The following RNGTT variants were observed in gnomAD, a reference collection of about 807,000 sequenced individuals.
The protein encoded by RNGTT is RNA guanylyltransferase and 5'-phosphatase.
A neutral mutation model predicts 79.3 loss-of-function variants in RNGTT; 33 were observed. The observed-to-expected ratio is 0.42, with a 90% CI of 0.32 to 0.56. RNGTT has a LOEUF of 0.56. Among genes scored for constraint, RNGTT ranks in the 20% least tolerant of loss-of-function variants. RNGTT has a pLI of 0.17. For missense variants in RNGTT, 497 were observed against 739.1 expected (o/e 0.67, Z 3.80); for synonymous variants, 222 against 235.9 (o/e 0.94, Z 0.54).
chr6:88,843,720 G>T (rs976846431), intron 11 of RNGTT, among the ~76,000 whole-genome samples: 1 of 150,918 alleles, frequency 6.6e-6, no homozygotes, highest in African/African-American at 2.4e-5. Flanking sequence ...CGCCACACCC[G>T]GCTAATTTTT....
At chr6:88,890,670 A>C in intron 7 of RNGTT, 74 bp from the exon 8 acceptor site, 2 of 872,166 alleles carry the variant, frequency 2.3e-6, no homozygotes, top group South Asian at 1.7e-5. Flanking sequence ...ACCAATCTCA[A>C]ATGAATCACA....
chr6:88,942,897 G>A (rs983232954), intron 1 of RNGTT, among the ~76,000 whole-genome samples: 2 of 152,128 alleles, frequency 1.3e-5, no homozygotes, highest in Non-Finnish European at 2.9e-5. Flanking sequence ...TTTGACAAAA[G>A]AACCACTTTT....
intron 13 of RNGTT, among the ~76,000 whole-genome samples, chr6:88,730,146 G>C (rs1451303362): frequency 6.6e-6 from 1 of 152,324 alleles, no homozygotes; most frequent in East Asian, 1.9e-4. Flanking sequence ...TGTTAGATAT[G>C]AGTTCCAAAT....
At chr6:88,653,335 A>C (rs1348809769) in intron 14 of RNGTT, among the ~76,000 whole-genome samples, 2 of 152,222 alleles carry the variant, frequency 1.3e-5, no homozygotes, top group Admixed American at 6.5e-5. Context: ...ATATAGTGGT[A>C]TAATGTTTTA....
intron 14 of RNGTT, 113 bp downstream of exon 14, chr6:88,678,240 C>A (rs141826783): frequency 1.6e-5 from 23 of 1,435,630 alleles, no homozygotes; most frequent in Non-Finnish European, 2.0e-5. Flanking sequence ...GTCTTAGCCT[C>A]CCAAAGTGCT....
chr6:88,755,121 C>T lies in RNGTT; in HGVS notation c.1439+14653G>A, dbSNP rs117416728. 4.0e-3 allele frequency among the ~76,000 whole-genome samples: 602 copies of T among 151,720 alleles called. 7 individuals are homozygous for T. The highest frequency in any genetic ancestry group is 5.9e-3 in the Admixed American group (90 of 15,232). On this transcript the variant is annotated intron_variant, in intron 13 of 15. Coordinates refer to ENST00000369485, the MANE Select transcript of RNGTT (RefSeq NM_003800.5). ...CAATTAGAAGGAGAAAAGAACTGCACCCCAAGAATTCTATATCCAGGTAAG... is the reference window on the plus strand; with the variant it reads ...CAATTAGAAGGAGAAAAGAACTGCATCCCAAGAATTCTATATCCAGGTAAG...
At chr6:88,876,509 T>C (rs1435725787) in intron 8 of RNGTT, among the ~76,000 whole-genome samples, 1 of 152,202 alleles carries the variant, frequency 6.6e-6, no homozygotes, top group East Asian at 1.9e-4. Flanking sequence ...AGTGAGACCC[T>C]GTCTCAAAAA....
intron 4 of RNGTT, among the ~76,000 whole-genome samples, chr6:88,907,343 G>C (rs535267922): frequency 6.6e-6 from 1 of 152,270 alleles, no homozygotes; most frequent in South Asian, 2.1e-4. Context: ...GTTCTCATGA[G>C]ATCTGATGGT....
chr6:88,905,746 T>G (rs1783633097), intron 5 of RNGTT, among the ~76,000 whole-genome samples: 1 of 152,098 alleles, frequency 6.6e-6, no homozygotes, highest in South Asian at 2.1e-4. Context: ...TACAAAATAT[T>G]GGAAGAATCT....
At chr6:88,757,278 C>T (rs1323284646) in intron 13 of RNGTT, among the ~76,000 whole-genome samples, 1 of 151,984 alleles carries the variant, frequency 6.6e-6, no homozygotes, top group Admixed American at 6.6e-5. Context: ...GAAAAGCAAG[C>T]AGGACAGGTA....
chr6:88,656,188 T>A (rs1773970674), intron 14 of RNGTT, among the ~76,000 whole-genome samples: 1 of 152,226 alleles, frequency 6.6e-6, no homozygotes, highest in Non-Finnish European at 1.5e-5. Flanking sequence ...TATAATGAAC[T>A]ATATCGCTTA....
At chr6:88,853,858 C>T in intron 8 of RNGTT, 94 bp from the exon 9 acceptor site, 1 of 656,928 alleles carries the variant, frequency 1.5e-6, no homozygotes, top group Non-Finnish European at 2.6e-6. Flanking sequence ...AGACCTTAAA[C>T]ATCTGTAGAC....
intron 12 of RNGTT, among the ~76,000 whole-genome samples, chr6:88,782,113 T>A (rs1346159622): frequency 6.6e-6 from 1 of 152,040 alleles, no homozygotes; most frequent in Admixed American, 6.5e-5. Context: ...ACAGAATAAT[T>A]AAGGCAGCAA....
intron 11 of RNGTT, among the ~76,000 whole-genome samples, chr6:88,813,545 C>G (rs1030764423): frequency 2.0e-5 from 3 of 152,198 alleles, no homozygotes; most frequent in Non-Finnish European, 4.4e-5. Context: ...GCACATCAGG[C>G]AGCAAGCCCT....
chr6:88,715,023 T>C (rs941732058), intron 13 of RNGTT, among the ~76,000 whole-genome samples: 16 of 152,178 alleles, frequency 1.1e-4, no homozygotes, highest in Admixed American at 2.6e-4. Flanking sequence ...AGAAGTCAAA[T>C]TGTCCCTGTT....
chr6:88,677,797 C>T (rs1774931689), intron 14 of RNGTT, among the ~76,000 whole-genome samples: 1 of 151,888 alleles, frequency 6.6e-6, no homozygotes. Context: ...TTTTTAATGG[C>T]AAAAGGGATG....
At chr6:88,616,679 T>C (rs1772235187) in intron 14 of RNGTT, among the ~76,000 whole-genome samples, 1 of 152,168 alleles carries the variant, frequency 6.6e-6, no homozygotes, top group Non-Finnish European at 1.5e-5. Context: ...ATTGGCTGTA[T>C]ACTTTCTTCA....
chr6:88,678,057 C>T (rs1198686613), intron 14 of RNGTT: 3 of 178,444 alleles, frequency 1.7e-5, no homozygotes, highest in Non-Finnish European at 3.2e-5. Flanking sequence ...GTGATCACGG[C>T]TCACTGCAGC....
At chr6:88,936,523 G>T (rs962694234) in intron 2 of RNGTT, among the ~76,000 whole-genome samples, 1 of 152,092 alleles carries the variant, frequency 6.6e-6, no homozygotes, top group African/African-American at 2.4e-5. Flanking sequence ...GTCATATATG[G>T]TCTTTATTAT....
Sources: allele counts gnomAD v4.1 joint callset (sites outside exome capture counted in the v4.1 genomes callset), GRCh38; gene constraint gnomAD v4.1.1; transcripts MANE v1.5; gene names NCBI Gene and HGNC (gene_info 2026-07-23, HGNC 2026-07-21).